The following ANKS1B variants were observed in gnomAD, a reference collection of about 807,000 sequenced individuals.
The protein encoded by ANKS1B is ankyrin repeat and sterile alpha motif domain-containing protein 1B.
ANKS1B carries 36 observed loss-of-function variants against 148.3 expected under a neutral mutation model. That is an observed-to-expected ratio of 0.24 (90% confidence interval 0.19 to 0.32). ANKS1B has a LOEUF of 0.32. ANKS1B is among the 10% of genes least tolerant of loss of function. The pLI, the probability that ANKS1B is intolerant of heterozygous loss-of-function variation, is 1.00. For missense variants in ANKS1B, 1,157 were observed against 1,542.6 expected, an observed-to-expected ratio of 0.75 and a Z score of 4.19; for synonymous variants, 542 against 560.8, an observed-to-expected ratio of 0.97 and a Z score of 0.47.
At chr12:99,756,876 G>C (rs774159737) in intron 8 of ANKS1B, among the ~76,000 whole-genome samples, 13 of 152,194 alleles carry the variant, frequency 8.5e-5, no homozygotes, top group Non-Finnish European at 1.6e-4. Flanking sequence ...AATGGTGCTT[G>C]AATAACTGGC....
At chr12:99,393,210 G>A (rs892376717) in intron 12 of ANKS1B, among the ~76,000 whole-genome samples, 1 of 152,106 alleles carries the variant, frequency 6.6e-6, no homozygotes, top group East Asian at 1.9e-4. Context: ...GTTACCCGAG[G>A]AAAGAAGAAC....
chr12:99,508,528 T>C (rs979124605), intron 9 of ANKS1B, among the ~76,000 whole-genome samples: 4 of 151,362 alleles, frequency 2.6e-5, no homozygotes, highest in Non-Finnish European at 5.9e-5. Flanking sequence ...TATAGTATTA[T>C]ATAAAATATT....
chr12:99,204,805 G>A (rs552652165), intron 14 of ANKS1B, among the ~76,000 whole-genome samples: 1 of 152,288 alleles, frequency 6.6e-6, no homozygotes, highest in East Asian at 1.9e-4. Flanking sequence ...GTAGCCCGTG[G>A]AAGTCTGTCA....
At chr12:99,098,685 A>C (rs993049357) in intron 15 of ANKS1B, among the ~76,000 whole-genome samples, 4 of 48,288 alleles carry the variant, frequency 8.3e-5, no homozygotes, top group African/African-American at 3.2e-4. Flanking sequence ...TAAATCTTCT[A>C]GTTTCATGTT....
At chr12:99,682,396 T>C (rs2153485808) in intron 8 of ANKS1B, among the ~76,000 whole-genome samples, 1 of 152,198 alleles carries the variant, frequency 6.6e-6, no homozygotes, top group African/African-American at 2.4e-5. Flanking sequence ...TTAACAAAAC[T>C]GAAATTATAT....
chr12:98,909,993 G>A (rs926155556), intron 17 of ANKS1B, among the ~76,000 whole-genome samples: 2 of 152,230 alleles, frequency 1.3e-5, no homozygotes, highest in East Asian at 3.8e-4. Context: ...CAGACCAGGT[G>A]CTGATCCATC....
intron 17 of ANKS1B, among the ~76,000 whole-genome samples, chr12:99,021,773 C>T (rs773657575): frequency 1.2e-4 from 19 of 152,132 alleles, no homozygotes; most frequent in Non-Finnish European, 2.6e-4. Flanking sequence ...ATGTGTCAAT[C>T]AAAAGTAATA....
At chr12:99,742,736 G>A (rs2060241791) in intron 8 of ANKS1B, among the ~76,000 whole-genome samples, 1 of 151,428 alleles carries the variant, frequency 6.6e-6, no homozygotes, top group African/African-American at 2.4e-5. Context: ...TACTCAGGAG[G>A]CTGAGGCAGG....
intron 1 of ANKS1B, among the ~76,000 whole-genome samples, chr12:99,981,103 A>G (rs2095695936): frequency 6.6e-6 from 1 of 152,064 alleles, no homozygotes; most frequent in South Asian, 2.1e-4. Context: ...GCCTTAAAGA[A>G]TACAGTCAAG....
intron 17 of ANKS1B, among the ~76,000 whole-genome samples, chr12:98,833,462 T>C (rs2099341820): frequency 6.6e-6 from 1 of 152,210 alleles, no homozygotes; most frequent in Non-Finnish European, 1.5e-5. Context: ...TATAATAATC[T>C]TGTTGGGTAA....
chr12:99,846,154 C>T (rs1315428948), intron 1 of ANKS1B, among the ~76,000 whole-genome samples: 1 of 152,002 alleles, frequency 6.6e-6, no homozygotes, highest in African/African-American at 2.4e-5. Flanking sequence ...TGGCCTATAG[C>T]TACAGTTTGC....
At chr12:99,648,055 C>G in intron 9 of ANKS1B, 1 of 1,387,070 alleles carries the variant, frequency 7.2e-7, no homozygotes, top group Non-Finnish European at 9.7e-7. Context: ...AAAAAGAAAG[C>G]CTGCAGAACA....
intron 11 of ANKS1B, among the ~76,000 whole-genome samples, chr12:99,410,036 G>A (rs993550219): frequency 1.2e-4 from 18 of 152,204 alleles, no homozygotes; most frequent in Non-Finnish European, 2.6e-4. Context: ...CTTAGCAGGA[G>A]TCAGCAAACT....
chr12:99,572,382 C>T (rs2097466208), intron 9 of ANKS1B, among the ~76,000 whole-genome samples: 1 of 151,996 alleles, frequency 6.6e-6, no homozygotes, highest in Admixed American at 6.6e-5. Context: ...TTTCCTATAG[C>T]TTTGTGAAAT....
intron 14 of ANKS1B, among the ~76,000 whole-genome samples, chr12:99,226,898 A>G (rs2086032497): frequency 6.6e-6 from 1 of 152,168 alleles, no homozygotes; most frequent in African/African-American, 2.4e-5. Flanking sequence ...TTTTATAGGG[A>G]CGGCTAAACA....
intron 14 of ANKS1B, among the ~76,000 whole-genome samples, chr12:99,214,961 G>A (rs1012729468): frequency 1.4e-4 from 21 of 152,208 alleles, no homozygotes; most frequent in African/African-American, 4.3e-4. Context: ...CCCTGTCCTA[G>A]AGATCTACGG....
At chr12:99,005,957 T>C (rs2099935927) in intron 17 of ANKS1B, among the ~76,000 whole-genome samples, 1 of 152,162 alleles carries the variant, frequency 6.6e-6, no homozygotes, top group South Asian at 2.1e-4. Context: ...ACGATGAAAG[T>C]CTTCTTCCAA....
chr12:99,388,577 G>A (rs60453165), intron 12 of ANKS1B, among the ~76,000 whole-genome samples: 185 of 152,232 alleles, frequency 1.2e-3, no homozygotes, highest in African/African-American at 4.3e-3. Flanking sequence ...CCATAATATG[G>A]CACAACGAAC....
At chr12:99,260,762 C>A (rs1333902018) in intron 12 of ANKS1B, among the ~76,000 whole-genome samples, 2 of 152,032 alleles carry the variant, frequency 1.3e-5, no homozygotes, top group African/African-American at 4.8e-5. Context: ...CTTAGAAAAT[C>A]GATCATTTAT....
Sources: allele counts gnomAD v4.1 joint callset (sites outside exome capture counted in the v4.1 genomes callset), GRCh38; gene constraint gnomAD v4.1.1; transcripts MANE v1.5; gene names NCBI Gene and HGNC (gene_info 2026-07-23, HGNC 2026-07-21).